Variants in EML6 observed in about 807,000 individuals in gnomAD.
The protein encoded by EML6 is echinoderm microtubule-associated protein-like 6.
In EML6, 154 loss-of-function variants were observed where a neutral mutation model predicts 240.1. That is an observed-to-expected ratio of 0.64 (90% CI 0.56 to 0.73). The LOEUF (loss-of-function observed/expected upper bound fraction) is 0.73. Among genes scored for constraint, EML6 ranks in the 30% least tolerant of loss-of-function variants. The probability of loss-of-function intolerance (pLI) is 0.00; values close to 1 mark genes in which losing one functional copy is unlikely to be tolerated. For missense variants in EML6, 2,964 were observed against 2,474.6 expected, an observed-to-expected ratio of 1.20 and a Z score of -4.20; for synonymous variants, 1,148 against 899.0, an observed-to-expected ratio of 1.28 and a Z score of -4.95.
At chr2:54,962,733 C>G in intron 36 of EML6, 22 bp downstream of exon 36, 1 of 1,447,282 alleles carries the variant, frequency 6.9e-7, no homozygotes, top group South Asian at 1.5e-5. Context: ...TCTGCCCAAA[C>G]TCAGATGCCC....
chr2:54,774,340 A>G lies in EML6; in HGVS notation c.198-38892A>G, dbSNP rs1184429846. 6.6e-6 allele frequency among the ~76,000 whole-genome samples: 1 copy of G among 152,122 alleles called. No homozygotes were observed. Among genetic ancestry groups the G allele is most frequent in the Non-Finnish European group, 1.5e-5 (1 of 68,002 alleles). ...GGCTCCACAGGATGGTCAGGCCTTT[A>G]TGTTCCTACATTGATCAGTCATTAG... On this transcript the variant is annotated intron_variant, in intron 2 of 41. Coordinates refer to ENST00000356458, the MANE Select transcript of EML6 (RefSeq NM_001039753.4). This position sits in a 1 kb window ranked among gnomAD's most constrained non-coding sequence, Gnocchi z 4.1.
chr2:54,792,196 A>G (rs925700163), intron 2 of EML6, among the ~76,000 whole-genome samples: 2 of 152,186 alleles, frequency 1.3e-5, no homozygotes, highest in African/African-American at 4.8e-5. Flanking sequence ...TTTGACATGT[A>G]ATATTTTCTT....
chr2:54,800,404 C>T (rs1041380278), intron 2 of EML6, among the ~76,000 whole-genome samples: 5 of 152,114 alleles, frequency 3.3e-5, no homozygotes, highest in Admixed American at 1.3e-4. Context: ...GCCACACACA[C>T]GTACATACAC....
At chr2:54,891,550 G>C (rs1398568503) in intron 18 of EML6, among the ~76,000 whole-genome samples, 1 of 152,146 alleles carries the variant, frequency 6.6e-6, no homozygotes, top group African/African-American at 2.4e-5. Flanking sequence ...ATTAAACCCT[G>C]AGTCTGCCCA....
At chr2:54,917,774 T>A (rs1158612507) in intron 26 of EML6, among the ~76,000 whole-genome samples, 1 of 152,246 alleles carries the variant, frequency 6.6e-6, no homozygotes, top group Non-Finnish European at 1.5e-5. Flanking sequence ...TCTCATTTTT[T>A]TTTCCAGCCT....
At chr2:54,948,561 C>A (rs185328244) in intron 28 of EML6, among the ~76,000 whole-genome samples, 1 of 152,204 alleles carries the variant, frequency 6.6e-6, no homozygotes, top group Admixed American at 6.5e-5. Context: ...TGGTTTTGAA[C>A]CAAGCCCCTC....
rs1329677777 is a variant in EML6, at chr2:54,802,653, ACTACTACTACTACTG to A, written c.198-10564_198-10550del. Reference sequence around the variant, plus strand: ...TACTACTACTACTACTACTACTACTACTACTACTACTACTGCTACTACTACTACTACCAATAATAA... The same window carrying A: ...TACTACTACTACTACTACTACTACTACTACTACTACTACTACCAATAATAA... On this transcript the variant is annotated intron_variant, in intron 2 of 41. Transcript: ENST00000356458. 1.4e-4 allele frequency among the ~76,000 whole-genome samples: 20 copies of A among 147,924 alleles called. 1 individual carries two copies. The highest frequency in any genetic ancestry group is 2.5e-4 in the Non-Finnish European group (17 of 67,592).
chr2:54,866,704 T>C, intron 13 of EML6, 62 bp from the exon 14 acceptor site: 1 of 841,088 alleles, frequency 1.2e-6, no homozygotes, highest in Non-Finnish European at 1.9e-6. Context: ...AATGTCAAGA[T>C]GCTGATATTT....
chr2:54,787,254 G>A (rs1669140338), intron 2 of EML6, among the ~76,000 whole-genome samples: 1 of 151,408 alleles, frequency 6.6e-6, no homozygotes, highest in Admixed American at 6.6e-5. Context: ...ACCTGACAAG[G>A]CTCCCATGGT....
chr2:54,799,151 C>A (rs552952572), intron 2 of EML6, among the ~76,000 whole-genome samples: 26 of 152,326 alleles, frequency 1.7e-4, no homozygotes, highest in African/African-American at 6.0e-4. Flanking sequence ...ACCTCTGCCT[C>A]CTGAATTCAA....
At chr2:54,936,123 A>G (rs1391122716) in intron 28 of EML6, among the ~76,000 whole-genome samples, 2 of 152,214 alleles carry the variant, frequency 1.3e-5, no homozygotes, top group Admixed American at 1.3e-4. Flanking sequence ...TTAGAAACTT[A>G]TAACTACGGA....
At chr2:54,908,986 A>G (rs1181683205) in intron 24 of EML6, among the ~76,000 whole-genome samples, 2 of 152,212 alleles carry the variant, frequency 1.3e-5, no homozygotes, top group Non-Finnish European at 2.9e-5. Context: ...CTATGTGTTT[A>G]GATTCTCGAA....
chr2:54,938,517 T>A (rs1465044379), intron 28 of EML6, among the ~76,000 whole-genome samples: 1 of 152,214 alleles, frequency 6.6e-6, no homozygotes, highest in African/African-American at 2.4e-5. Flanking sequence ...TATTTTATAC[T>A]TTTCTACCAT....
At chr2:54,838,927 A>G (rs1353808130) in intron 7 of EML6, among the ~76,000 whole-genome samples, 1 of 152,164 alleles carries the variant, frequency 6.6e-6, no homozygotes, top group Non-Finnish European at 1.5e-5. Context: ...AATAATGAGG[A>G]TGGTTTCTCC....
chr2:54,970,335 C>G lies in EML6; in HGVS notation c.*240C>G. On this transcript the variant is annotated 3_prime_UTR_variant, in exon 42 of 42. Transcript: ENST00000356458. ...TGTTAAAGACTGCTTGCCTCTGTTCCTGAGACTAAACAGTATACATACTAA... is the reference window on the plus strand; with the variant it reads ...TGTTAAAGACTGCTTGCCTCTGTTCGTGAGACTAAACAGTATACATACTAA... 1 of 575,372 alleles carries G rather than the reference C, an allele frequency of 1.7e-6. No homozygotes were observed. The highest frequency in any genetic ancestry group is 3.1e-6 in the Non-Finnish European group (1 of 320,714). The allele number at this position is 575,372 out of a possible 1,614,324, so 35.6% of individuals were successfully genotyped here.
chr2:54,786,729 A>T (rs1669116150), intron 2 of EML6, among the ~76,000 whole-genome samples: 1 of 152,212 alleles, frequency 6.6e-6, no homozygotes, highest in South Asian at 2.1e-4. Flanking sequence ...CAGATGCTCG[A>T]GTTTCCATGT....
intron 28 of EML6, among the ~76,000 whole-genome samples, chr2:54,946,532 C>A (rs1209124651): frequency 6.6e-6 from 1 of 152,214 alleles, no homozygotes; most frequent in Non-Finnish European, 1.5e-5. Context: ...TGTTAAACCT[C>A]CAGTGTTTGG....
At chr2:54,916,494 A>T (rs1673915325) in intron 25 of EML6, among the ~76,000 whole-genome samples, 1 of 130,252 alleles carries the variant, frequency 7.7e-6, no homozygotes, top group African/African-American at 2.8e-5. Context: ...GAACTAAAAT[A>T]CCTTATTATT....
At chr2:54,731,393 A>G (rs890264494) in intron 2 of EML6, among the ~76,000 whole-genome samples, 3 of 152,158 alleles carry the variant, frequency 2.0e-5, no homozygotes, top group Non-Finnish European at 2.9e-5. Flanking sequence ...TCATCCCAGC[A>G]CTTTGGGAGG....
Sources: gnomAD v4.1 joint callset for allele counts (sites outside exome capture counted in the v4.1 genomes callset) on GRCh38, gnomAD v4.1.1 for gene constraint, Gnocchi (gnomAD v3.1) non-coding constraint, MANE v1.5 for transcripts, NCBI Gene and HGNC (gene_info 2026-07-23, HGNC 2026-07-21) for gene names.